Variants in CADPS2 observed in about 807,000 individuals in gnomAD.
CADPS2 encodes the protein calcium-dependent secretion activator 2.
In CADPS2, 93 loss-of-function variants were observed where a neutral mutation model predicts 172.5. That is an observed-to-expected ratio of 0.54 (90% CI 0.46 to 0.64). CADPS2 has a LOEUF of 0.64. Ranked by LOEUF, CADPS2 falls within the 30% of genes least tolerant of loss-of-function variation. CADPS2 has a pLI of 0.00. For synonymous variants in CADPS2, 546 were observed against 555.2 expected, an observed-to-expected ratio of 0.98 and a Z score of 0.23; for missense variants, 1,420 against 1,565.9, an observed-to-expected ratio of 0.91 and a Z score of 1.57.
intron 24 of CADPS2, among the ~76,000 whole-genome samples, chr7:122,385,924 C>T (rs1256646642): frequency 6.6e-6 from 1 of 152,006 alleles, no homozygotes; most frequent in East Asian, 1.9e-4. Context: ...TAGATAAATG[C>T]TTGAAAAATG....
At chr7:122,733,340 C>T (rs991319513) in intron 2 of CADPS2, among the ~76,000 whole-genome samples, 5 of 151,840 alleles carry the variant, frequency 3.3e-5, no homozygotes, top group African/African-American at 9.7e-5. Context: ...CTGCAATACC[C>T]ATTCACTCAG....
intron 8 of CADPS2, among the ~76,000 whole-genome samples, chr7:122,532,145 T>C (rs1441942055): frequency 2.0e-5 from 3 of 152,162 alleles, no homozygotes; most frequent in Admixed American, 2.0e-4. Context: ...GGAAATTCTA[T>C]CAATTGGCTG....
intron 6 of CADPS2, among the ~76,000 whole-genome samples, chr7:122,609,845 C>T (rs532522576): frequency 1.3e-5 from 2 of 152,218 alleles, no homozygotes; most frequent in African/African-American, 4.8e-5. Context: ...ACTGTTGAAG[C>T]ATTAAAATTT....
Position 122,416,161 on chromosome 7 carries a change from G to T in CADPS2, c.2480C>A (p.Thr827Asn), listed in dbSNP as rs1471571025. The change falls in exon 18 of 30, where the codon ACC becomes AAC. Residue 827 changes from threonine (T) to asparagine (N), a missense_variant. Transcript: ENST00000449022. ...RLTEYAKIEE[T>N]MNQASPARKL... ...TCTAGCAGGAGATGCCTGGTTCATG[G>T]TCTCTATATGAAAAAAAATCATAAT... 2.6e-6 allele frequency: 4 copies of T among 1,521,418 alleles called. No homozygotes were observed. The highest frequency in any genetic ancestry group is 2.7e-6 in the Non-Finnish European group (3 of 1,123,532). The allele number at this position is 1,521,418 out of a possible 1,614,324, so 94.2% of individuals were successfully genotyped here.
intron 1 of CADPS2, among the ~76,000 whole-genome samples, chr7:122,834,237 C>T (rs1807526933): frequency 6.6e-6 from 1 of 152,136 alleles, no homozygotes; most frequent in Non-Finnish European, 1.5e-5. Context: ...AATTCAAAGC[C>T]TAACCTTTGG....
intron 25 of CADPS2, among the ~76,000 whole-genome samples, chr7:122,364,797 C>A (rs2040644462): frequency 6.6e-6 from 1 of 151,306 alleles, no homozygotes. Context: ...ATAAGACATA[C>A]AAAAACACAA....
intron 9 of CADPS2, among the ~76,000 whole-genome samples, chr7:122,493,649 C>T (rs7787936): frequency 0.35 from 52,394 of 151,492 alleles, 9,126 homozygotes; most frequent in Admixed American, 0.37. Context: ...GATATACTTA[C>T]GTTTTACGTA....
chr7:122,349,684 T>C (rs974857578), intron 27 of CADPS2, among the ~76,000 whole-genome samples: 2 of 152,168 alleles, frequency 1.3e-5, no homozygotes, highest in African/African-American at 4.8e-5. Flanking sequence ...TAAGAAAGGG[T>C]GCAGACTCCA....
At chr7:122,740,430 A>G (rs964875202) in intron 1 of CADPS2, among the ~76,000 whole-genome samples, 28 of 152,134 alleles carry the variant, frequency 1.8e-4, no homozygotes, top group African/African-American at 6.3e-4. Flanking sequence ...GCATATTACT[A>G]TGTAAAAGCA....
rs569629986 is a variant in CADPS2, at chr7:122,371,082, C to T, written c.3387+8286G>A. On this transcript the variant is annotated intron_variant, in intron 25 of 29. Transcript: ENST00000449022. ...CAGTGTTCCCCAAATGGGTTAGTAACCTCATCTCATGGGACATCAACAAAA... is the reference window on the plus strand; with the variant it reads ...CAGTGTTCCCCAAATGGGTTAGTAATCTCATCTCATGGGACATCAACAAAA... Among the ~76,000 whole-genome samples the T allele has an allele frequency of 3.3e-5, 5 of 152,302 alleles. No homozygotes were observed. In the South Asian group the frequency reaches 1.0e-3, roughly 32 times the overall value.
At chr7:122,787,116 T>C (rs192749649) in intron 1 of CADPS2, among the ~76,000 whole-genome samples, 1 of 152,166 alleles carries the variant, frequency 6.6e-6, no homozygotes, top group African/African-American at 2.4e-5. Flanking sequence ...GAATACAAAC[T>C]TTAAGCAATG....
chr7:122,570,385 A>T (rs1186130171), intron 7 of CADPS2, among the ~76,000 whole-genome samples: 5 of 150,578 alleles, frequency 3.3e-5, no homozygotes, highest in African/African-American at 1.2e-4. Flanking sequence ...AGGAAACAAC[A>T]GGTGCTGGAG....
intron 1 of CADPS2, among the ~76,000 whole-genome samples, chr7:122,753,902 T>C (rs2093053170): frequency 6.6e-6 from 1 of 152,152 alleles, no homozygotes; most frequent in Non-Finnish European, 1.5e-5. Flanking sequence ...TTTTTTTCCC[T>C]TTTAAACAAC....
At chr7:122,380,088 T>C (rs954376186) in intron 24 of CADPS2, among the ~76,000 whole-genome samples, 1 of 151,982 alleles carries the variant, frequency 6.6e-6, no homozygotes, top group African/African-American at 2.4e-5. Context: ...CGCTTCCTCA[T>C]GAAAAAGATG....
At chr7:122,514,766 G>T (rs1252892802) in intron 8 of CADPS2, among the ~76,000 whole-genome samples, 1 of 152,036 alleles carries the variant, frequency 6.6e-6, no homozygotes, top group African/African-American at 2.4e-5. Flanking sequence ...GTCAATACGT[G>T]CTGGCATATC....
At chr7:122,398,205 A>C (rs919276459) in intron 20 of CADPS2, among the ~76,000 whole-genome samples, 1 of 152,240 alleles carries the variant, frequency 6.6e-6, no homozygotes, top group African/African-American at 2.4e-5. Context: ...TAGTAGTAAG[A>C]TTTCAACAGA....
At chr7:122,522,080 C>A (rs1041673414) in intron 8 of CADPS2, among the ~76,000 whole-genome samples, 4 of 152,082 alleles carry the variant, frequency 2.6e-5, no homozygotes, top group African/African-American at 4.8e-5. Flanking sequence ...TCTAGCTGAT[C>A]ATTCTTTTTT....
chr7:122,679,321 A>G (rs2082762772), intron 2 of CADPS2, among the ~76,000 whole-genome samples: 1 of 137,392 alleles, frequency 7.3e-6, no homozygotes, highest in Non-Finnish European at 1.5e-5. Context: ...ATGCACATGT[A>G]GATAGGAATG....
intron 25 of CADPS2, chr7:122,366,692 TATATATACGTATAC>T (rs2040946873): frequency 1.4e-5 from 2 of 147,766 alleles, no homozygotes; most frequent in African/African-American, 4.9e-5. Context: ...TACGTATATA[TATATATACGTATAC>T]ATATATATAT....
Sources: allele counts gnomAD v4.1 joint callset (sites outside exome capture counted in the v4.1 genomes callset), GRCh38; gene constraint gnomAD v4.1.1; transcripts MANE v1.5; gene names NCBI Gene and HGNC (gene_info 2026-07-23, HGNC 2026-07-21).